STRAP: variants seen among roughly 807,000 people sequenced by gnomAD.
The protein encoded by STRAP is serine/threonine kinase receptor associated protein, also known as serine-threonine kinase receptor-associated protein.
STRAP carries 16 observed loss-of-function variants against 47.0 expected under a neutral mutation model. The ratio of observed to expected loss-of-function variants is 0.34; its 90% CI spans 0.23 to 0.52. STRAP has a LOEUF of 0.52. Ranked by LOEUF, STRAP falls within the 20% of genes least tolerant of loss-of-function variation. The pLI is 0.96. For missense variants in STRAP, 293 were observed against 420.0 expected (o/e 0.70, Z 2.64); for synonymous variants, 130 against 142.7 (o/e 0.91, Z 0.63).
chr12:15,893,971 T>C (rs529603983), intron 4 of STRAP, 76 bp from the exon 5 acceptor site: 3 of 1,166,614 alleles, frequency 2.6e-6, no homozygotes, highest in Admixed American at 4.3e-5. Context: ...TTTTTAAAAA[T>C]ATATAATTGT....
In STRAP at chr12:15,894,174, T is replaced by C; in HGVS notation, c.500+31T>C. The C allele has an allele frequency of 6.4e-7, 1 of 1,573,936 alleles. No homozygotes were observed. The highest frequency in any genetic ancestry group is 8.7e-7 in the Non-Finnish European group (1 of 1,145,972). ...TAATTTTTCTTTAATAATTTACAAT[T>C]TAAGGCCGGGCATGGTGGCTCACGC... On this transcript the variant is annotated intron_variant, in intron 5 of 9. Coordinates refer to ENST00000419869, the MANE Select transcript of STRAP (RefSeq NM_007178.4). The surrounding 1 kb of genome is among the most constrained non-coding windows in gnomAD (Gnocchi z 4.9).
Position 15,900,931 on chromosome 12 carries a change from G to T in STRAP, c.926-16G>T. Reference sequence around the variant, plus strand: ...TAGTGTAAGTCATATAATCGTCATTGCTTTTCTTTTTACAGAAGAAGATAG... The same window carrying T: ...TAGTGTAAGTCATATAATCGTCATTTCTTTTCTTTTTACAGAAGAAGATAG... On this transcript the variant is annotated splice_polypyrimidine_tract_variant and intron_variant, in intron 8 of 9. Transcript: ENST00000419869. 1 of 1,572,966 alleles carries T rather than the reference G, an allele frequency of 6.4e-7. No homozygotes were observed. Among genetic ancestry groups the T allele is most frequent in the South Asian group, 1.2e-5 (1 of 83,268 alleles).
rs1197498297 is a variant in STRAP at position 15,896,044 on chromosome 12, G to A, written c.638+548G>A. Among the ~76,000 whole-genome samples the A allele has an allele frequency of 6.6e-6, 1 of 151,374 alleles. No homozygotes were observed. The highest frequency in any genetic ancestry group is 2.4e-5 in the African/African-American group (1 of 41,160). On this transcript the variant is annotated intron_variant, in intron 6 of 9. Coordinates refer to ENST00000419869, the MANE Select transcript of STRAP (RefSeq NM_007178.4). This position sits in a 1 kb window ranked among gnomAD's most constrained non-coding sequence, Gnocchi z 4.1. Reference sequence around the variant, plus strand: ...TTGAGACCAGCCTGGCCAACATGGTGAAACCCCGTCTCTAAAATAAAAATA... The same window carrying A: ...TTGAGACCAGCCTGGCCAACATGGTAAAACCCCGTCTCTAAAATAAAAATA...
chr12:15,885,190 T>G (rs962434685), intron 2 of STRAP, among the ~76,000 whole-genome samples: 9 of 148,568 alleles, frequency 6.1e-5, no homozygotes, highest in Admixed American at 2.0e-4. Flanking sequence ...GTTTTTTTTT[T>G]TTTTTTTTTT....
Position 15,882,610 on chromosome 12 carries a change from G to C in STRAP, c.-98G>C. 9.7e-7 allele frequency: 1 copy of C among 1,025,684 alleles called. No individual in the cohort carries two copies. The highest frequency in any genetic ancestry group is 2.1e-5 in the Admixed American group (1 of 48,252). The allele number at this position is 1,025,684 out of a possible 1,614,324, so 63.5% of individuals were successfully genotyped here. A position where few individuals can be genotyped will look rare whatever the true frequency, so the allele number is the denominator to read the frequency against. The stretch of plus-strand genomic sequence containing the variant: ...TTGCCCAGCCCAGCCCTAGTGTCAG[G>C]GCGGGGGCCTGGAGCAGCCCGAGGC... On this transcript the variant is annotated 5_prime_UTR_variant, in exon 1 of 10. Transcript: ENST00000419869.
chr12:15,897,833 A>G (rs577728776), intron 6 of STRAP, 49 bp from the exon 7 acceptor site: 2 of 1,337,378 alleles, frequency 1.5e-6, no homozygotes, highest in African/African-American at 3.1e-5. Flanking sequence ...GTAACTCGTT[A>G]TTTATACCAT....
intron 2 of STRAP, among the ~76,000 whole-genome samples, chr12:15,889,120 T>C (rs1947994862): frequency 6.6e-6 from 1 of 152,208 alleles, no homozygotes; most frequent in Non-Finnish European, 1.5e-5. Flanking sequence ...TCAACTTTTT[T>C]TTCCCCCTTC....
At chr12:15,892,226 T>G (rs146777036) in intron 4 of STRAP, among the ~76,000 whole-genome samples, 1 of 152,200 alleles carries the variant, frequency 6.6e-6, no homozygotes, top group Non-Finnish European at 1.5e-5. Flanking sequence ...CATGTTTTTC[T>G]TACTGGTTTT....
intron 6 of STRAP, among the ~76,000 whole-genome samples, chr12:15,895,944 TG>T (rs1247797981): frequency 2.0e-5 from 3 of 151,178 alleles, no homozygotes; most frequent in African/African-American, 7.3e-5. Flanking sequence ...CAGTGTGGGC[TG>T]GGCGTGGTGG....
chr12:15,895,355 G>T lies in STRAP; in HGVS notation c.501-4G>T. The T allele has an allele frequency of 6.5e-7, 1 of 1,533,194 alleles. No homozygotes were observed. Among genetic ancestry groups the T allele is most frequent in the Non-Finnish European group, 8.7e-7 (1 of 1,146,704 alleles). The allele number at this position is 1,533,194 out of a possible 1,614,324, so 95.0% of individuals were successfully genotyped here. ...AACATCATATTTTTATCTTTATTTT[G>T]CAGACTTTGGGATCATGCTACTATG... On this transcript the variant is annotated splice_polypyrimidine_tract_variant and splice_region_variant and intron_variant, in intron 5 of 9. Coordinates refer to ENST00000419869, the MANE Select transcript of STRAP (RefSeq NM_007178.4).
intron 2 of STRAP, 109 bp downstream of exon 2, chr12:15,883,785 A>G (rs1947944061): frequency 1.4e-6 from 2 of 1,402,888 alleles, no homozygotes; most frequent in South Asian, 1.4e-5. Context: ...ACTGGCTGCC[A>G]TACAGAACGC....
intron 7 of STRAP, among the ~76,000 whole-genome samples, chr12:15,899,685 TGAA>T (rs1373303480): frequency 6.6e-6 from 1 of 152,192 alleles, no homozygotes; most frequent in Non-Finnish European, 1.5e-5. Context: ...AGGGACAGTT[TGAA>T]ACTAGAATGT....
intron 7 of STRAP, among the ~76,000 whole-genome samples, chr12:15,899,395 GA>G (rs1435754722): frequency 3.3e-5 from 5 of 152,164 alleles, no homozygotes; most frequent in African/African-American, 9.7e-5. Flanking sequence ...AATATTTATG[GA>G]TCATTGTTGA....
chr12:15,898,241 T>G, intron 7 of STRAP: 1 of 269,430 alleles, frequency 3.7e-6, no homozygotes, highest in Non-Finnish European at 6.8e-6. Context: ...AATTTATCCT[T>G]TTAACTAAAG....
intron 2 of STRAP, among the ~76,000 whole-genome samples, chr12:15,885,627 C>T (rs1947964531): frequency 6.6e-6 from 1 of 151,624 alleles, no homozygotes; most frequent in African/African-American, 2.4e-5. Context: ...AGATACGTGA[C>T]TGTATGCTCT....
Position 15,900,951 on chromosome 12 carries a change from A to C in STRAP, c.930A>C (p.Glu310Asp), listed in dbSNP as rs375283378. 18 of 1,592,440 alleles carry C rather than the reference A, an allele frequency of 1.1e-5. 1 individual carries two copies. The highest frequency in any genetic ancestry group is 1.5e-5 in the Non-Finnish European group (18 of 1,170,138). ...TCATTGCTTTTCTTTTTACAGAAGAAGATAGTGGTGAGCTGGCAAAGCCAA... is the reference window on the plus strand; with the variant it reads ...TCATTGCTTTTCTTTTTACAGAAGACGATAGTGGTGAGCTGGCAAAGCCAA... ...YGLWKCVLPE[E>D]DSGELAKPKI... The change falls in exon 9 of 10, where the codon GAA (glutamate) becomes GAC (aspartate). Residue 310 changes from glutamate (E) to aspartate (D), a missense_variant. Glu to Asp is a conservative substitution (Grantham distance 45, BLOSUM62 2). This residue lies in a region of STRAP where 52 missense variants were observed against 45.0 expected (regional missense o/e 1.16). Transcript: ENST00000419869.
In STRAP at chr12:15,894,258, A is replaced by G; in HGVS notation, c.500+115A>G. On this transcript the variant is annotated intron_variant, in intron 5 of 9. Coordinates refer to ENST00000419869, the MANE Select transcript of STRAP (RefSeq NM_007178.4). This position sits in a 1 kb window ranked among gnomAD's most constrained non-coding sequence, Gnocchi z 4.9. ...TGGATCATTAGAGGTCAGGAGTACTAGACCAGCCTGGCCGACATGGCGAAA... is the reference window on the plus strand; with the variant it reads ...TGGATCATTAGAGGTCAGGAGTACTGGACCAGCCTGGCCGACATGGCGAAA... 3 of 733,684 alleles carry G rather than the reference A, an allele frequency of 4.1e-6. No individual in the cohort carries two copies. Among genetic ancestry groups the G allele is most frequent in the Non-Finnish European group, 6.8e-6 (3 of 439,298 alleles). 45.4% of individuals were successfully genotyped at this position (733,684 alleles called of 1,614,324 possible). A position where few individuals can be genotyped will look rare whatever the true frequency, so the allele number is the denominator to read the frequency against.
intron 4 of STRAP, among the ~76,000 whole-genome samples, chr12:15,892,086 G>GA (rs1948020795): frequency 6.6e-6 from 1 of 152,026 alleles, no homozygotes; most frequent in South Asian, 2.1e-4. Flanking sequence ...GTCAATTTAA[G>GA]AAAATAATTC....
At chr12:15,898,363 G>A (rs917406129) in intron 7 of STRAP, 1 of 165,324 alleles carries the variant, frequency 6.0e-6, no homozygotes, top group Non-Finnish European at 1.3e-5. Context: ...CATGCAAGGA[G>A]ATCCGTTCTT....
Sources: gnomAD v4.1 joint callset for allele counts (sites outside exome capture counted in the v4.1 genomes callset) on GRCh38, gnomAD v4.1.1 for gene constraint, gnomAD v4.1.1 regional missense constraint, Gnocchi (gnomAD v3.1) non-coding constraint, MANE v1.5 for transcripts, NCBI Gene and HGNC (gene_info 2026-07-23, HGNC 2026-07-21) for gene names.